DPP6: variants seen among roughly 807,000 people sequenced by gnomAD.
DPP6 encodes dipeptidyl peptidase like 6.
Under a neutral mutation model 122.6 loss-of-function variants are expected in DPP6, and 69 were observed. The ratio of observed to expected loss-of-function variants is 0.56; its 90% CI spans 0.46 to 0.69. DPP6 has a LOEUF of 0.69. Ranked by LOEUF, DPP6 falls within the 30% of genes least tolerant of loss-of-function variation. DPP6 has a pLI of 0.00. For missense variants in DPP6, 928 were observed against 1,116.9 expected (o/e 0.83, Z 2.41); for synonymous variants, 418 against 433.1 (o/e 0.97, Z 0.43).
chr7:154,678,457 A>G (rs1283607917), intron 7 of DPP6, among the ~76,000 whole-genome samples: 6 of 152,118 alleles, frequency 3.9e-5, no homozygotes, highest in Non-Finnish European at 1.5e-5. Flanking sequence ...GAGCTGTGAC[A>G]CTCACTGCGA....
At chr7:154,531,770 A>T (rs1827856141) in intron 3 of DPP6, among the ~76,000 whole-genome samples, 1 of 152,178 alleles carries the variant, frequency 6.6e-6, no homozygotes, top group Non-Finnish European at 1.5e-5. Flanking sequence ...AATTGCGTGG[A>T]AGTGGACACG....
chr7:153,868,746 G>C, the DPP6 span, among the ~76,000 whole-genome samples: 1 of 151,880 alleles, frequency 6.6e-6, no homozygotes, highest in Admixed American at 6.6e-5. Context: ...GTGATGTTAG[G>C]GTGTCAATTT....
intron 16 of DPP6, among the ~76,000 whole-genome samples, chr7:154,817,598 T>C (rs576218518): frequency 6.6e-6 from 1 of 152,112 alleles, no homozygotes; most frequent in South Asian, 2.1e-4. Flanking sequence ...ATATCATGAG[T>C]GATCGATTGA....
intron 1 of DPP6, among the ~76,000 whole-genome samples, chr7:154,185,616 G>A (rs1207850363): frequency 1.3e-5 from 2 of 152,046 alleles, no homozygotes; most frequent in Non-Finnish European, 1.5e-5. Context: ...CATCCTGATC[G>A]TTAGAAATCA....
chr7:154,365,152 G>A (rs557219838), intron 1 of DPP6, among the ~76,000 whole-genome samples: 28 of 152,280 alleles, frequency 1.8e-4, no homozygotes, highest in African/African-American at 6.7e-4. Flanking sequence ...AGACATAGAC[G>A]AGTTCAGAAA....
chr7:154,518,013 C>G (rs1482703417), intron 3 of DPP6, among the ~76,000 whole-genome samples: 1 of 152,146 alleles, frequency 6.6e-6, no homozygotes, highest in Non-Finnish European at 1.5e-5. Flanking sequence ...GGACAGAACT[C>G]ATTACTGACT....
intron 1 of DPP6, among the ~76,000 whole-genome samples, chr7:154,203,743 C>CGTA (rs1335355006): frequency 1.3e-5 from 2 of 152,138 alleles, no homozygotes; most frequent in Non-Finnish European, 2.9e-5. Flanking sequence ...TCTGTGAGGC[C>CGTA]GTAGTGCAGT....
Position 154,007,327 on chromosome 7 carries a change from G to T in DPP6, c.51+119593G>T, listed in dbSNP as rs2533544. Reference sequence around the variant, plus strand: ...TTCACTTTTTAAAGTGAATTAATTTGTACAATAGTGGTTTTCAAAGTTTGT... The same window carrying T: ...TTCACTTTTTAAAGTGAATTAATTTTTACAATAGTGGTTTTCAAAGTTTGT... On this transcript the variant is annotated intron_variant, in intron 1 of 25. Coordinates refer to the DPP6 transcript ENST00000404039. 5.9e-3 allele frequency among the ~76,000 whole-genome samples: 904 copies of T among 151,946 alleles called. 6 individuals carry two copies. The highest frequency in any genetic ancestry group is 0.02 in the African/African-American group (831 of 41,244).
chr7:153,858,924 G>A, the DPP6 span, among the ~76,000 whole-genome samples: 2 of 152,122 alleles, frequency 1.3e-5, no homozygotes, highest in African/African-American at 4.8e-5. Context: ...ATGCAGTAAA[G>A]TGATATTTAT....
the DPP6 span, among the ~76,000 whole-genome samples, chr7:153,805,991 TAAAGTA>T: frequency 7.2e-6 from 1 of 138,544 alleles, no homozygotes; most frequent in African/African-American, 2.8e-5. Context: ...CCCTAGAACT[TAAAGTA>T]TAATAAAAAA....
At chr7:153,884,987 A>AATACATATATATATATAT (rs1209555021), upstream of DPP6, among the ~76,000 whole-genome samples, 194 of 116,440 alleles carry the variant, frequency 1.7e-3, 6 homozygotes, top group East Asian at 3.9e-3. Flanking sequence ...TCAAAACAAA[A>AATACATATATATATATAT]ATATATATAT....
chr7:153,857,314 C>G, the DPP6 span, among the ~76,000 whole-genome samples: 1 of 142,148 alleles, frequency 7.0e-6, no homozygotes, highest in African/African-American at 2.6e-5. Context: ...CCTTAGAACT[C>G]AAAGGTTTTC....
In DPP6 at chr7:154,061,958, G is replaced by A. The variant is rs1454438891; in HGVS notation, c.243+8895G>A. 6.9e-4 allele frequency among the ~76,000 whole-genome samples: 85 copies of A among 122,592 alleles called. 2 individuals carry two copies. Among genetic ancestry groups the A allele is most frequent in the South Asian group, 9.0e-4 (3 of 3,318 alleles). The allele number at this position is 122,592 out of a possible 152,430, so 80.4% of individuals were successfully genotyped here. A position where few individuals can be genotyped will look rare whatever the true frequency, so the allele number is the denominator to read the frequency against. On this transcript the variant is annotated intron_variant, in intron 1 of 25. Coordinates refer to ENST00000377770, the MANE Select transcript of DPP6 (RefSeq NM_130797.4). ...CAGGAGGGGGAGGCAACCCTGCGAG[G>A]GTGGGGACTGAGAGCTATCCCCTCT...
At chr7:154,357,228 G>T (rs558634539) in intron 1 of DPP6, among the ~76,000 whole-genome samples, 1 of 149,764 alleles carries the variant, frequency 6.7e-6, no homozygotes, top group African/African-American at 2.4e-5. Context: ...ACCAAACATG[G>T]ATATGCCTGT....
intron 1 of DPP6, among the ~76,000 whole-genome samples, chr7:154,354,221 C>T (rs1284015061): frequency 6.6e-6 from 1 of 152,204 alleles, no homozygotes; most frequent in Non-Finnish European, 1.5e-5. Flanking sequence ...TGTTTCTAGT[C>T]GTCTCAACTT....
chr7:154,027,685 G>A (rs1278882926), intron 1 of DPP6, among the ~76,000 whole-genome samples: 1 of 151,768 alleles, frequency 6.6e-6, no homozygotes, highest in Non-Finnish European at 1.5e-5. Context: ...GTTTTCAGAT[G>A]AACAGAGACT....
At chr7:153,946,233 C>T (rs964744045) in intron 1 of DPP6, among the ~76,000 whole-genome samples, 1 of 152,066 alleles carries the variant, frequency 6.6e-6, no homozygotes, top group East Asian at 1.9e-4. Context: ...ATGGCTACTC[C>T]GTAGGCAGAG....
chr7:154,489,448 C>T (rs1208787958), intron 3 of DPP6, among the ~76,000 whole-genome samples: 4 of 152,100 alleles, frequency 2.6e-5, no homozygotes, highest in Non-Finnish European at 5.9e-5. Context: ...AAATGGAATT[C>T]GTGCTTTGTG....
the DPP6 span, among the ~76,000 whole-genome samples, chr7:153,776,463 C>G: frequency 2.0e-5 from 3 of 152,112 alleles, no homozygotes; most frequent in Non-Finnish European, 4.4e-5. Context: ...CCCCTTCCAC[C>G]GTGATTGTAA....
Sources: gnomAD v4.1 joint callset for allele counts (sites outside exome capture counted in the v4.1 genomes callset) on GRCh38, gnomAD v4.1.1 for gene constraint, MANE v1.5 for transcripts, NCBI Gene and HGNC (gene_info 2026-07-23, HGNC 2026-07-21) for gene names.